Variants in ATP6V1B2 observed in about 807,000 individuals in gnomAD.
ATP6V1B2 encodes V-type proton ATPase subunit B, brain isoform.
ATP6V1B2 carries 23 observed loss-of-function variants against 66.7 expected under a neutral mutation model. The observed-to-expected ratio is 0.34, with a 90% CI of 0.25 to 0.49. The LOEUF (loss-of-function observed/expected upper bound fraction) is 0.49. ATP6V1B2 is among the 20% of genes least tolerant of loss of function. The probability of loss-of-function intolerance (pLI) is 0.99; values close to 1 mark genes in which losing one functional copy is unlikely to be tolerated. For synonymous variants in ATP6V1B2, 278 were observed against 236.7 expected (o/e 1.17, Z -1.60); for missense variants, 478 against 650.8 (o/e 0.73, Z 2.89).
At position 20,217,221 on chromosome 8, in the gene ATP6V1B2, T is replaced by G; in HGVS notation, c.1163T>G (p.Ile388Ser). The part of the protein sequence containing the change: ...YVDRQLHNRQ[I>S]YPPINVLPSL... Reference sequence around the variant, plus strand: ...TTTTTCCCTCTCATTCTACCCAAGATTTATCCACCTATCAATGTGCTGCCC... The same window carrying G: ...TTTTTCCCTCTCATTCTACCCAAGAGTTATCCACCTATCAATGTGCTGCCC... Residue 388 changes from isoleucine (I) to serine (S), a missense_variant and splice_region_variant, in exon 12 of 14, where the codon ATT becomes AGT. Ile to Ser is a moderately radical substitution (Grantham distance 142). Around this residue, in one of 2 missense-constraint regions of ATP6V1B2, gnomAD observed 326 missense variants for 545.6 expected, o/e 0.60. Coordinates refer to ENST00000276390, the MANE Select transcript of ATP6V1B2 (RefSeq NM_001693.4). 6.2e-7 allele frequency: 1 copy of G among 1,610,320 alleles called. No homozygotes were observed. Among genetic ancestry groups the G allele is most frequent in the South Asian group, 1.1e-5 (1 of 90,982 alleles).
chr8:20,211,985 T>G (rs1002057043), intron 7 of ATP6V1B2, 117 bp from the exon 8 acceptor site: 3 of 964,330 alleles, frequency 3.1e-6, no homozygotes, highest in African/African-American at 3.4e-5. Context: ...GTGAAGATTT[T>G]TGGGGTACTT....
intron 3 of ATP6V1B2, 142 bp from the exon 4 acceptor site, chr8:20,210,204 T>C: frequency 1.5e-6 from 1 of 657,252 alleles, no homozygotes; most frequent in African/African-American, 1.8e-5. Flanking sequence ...TGATTTATTA[T>C]CATATTTCTT....
At chr8:20,213,200 C>T (rs974315753) in intron 9 of ATP6V1B2, 14 of 332,536 alleles carry the variant, frequency 4.2e-5, no homozygotes, top group Non-Finnish European at 6.1e-5. Flanking sequence ...GTTACTCTCT[C>T]GGGAAGTTCT....
In ATP6V1B2 at chr8:20,220,596, C is replaced by T. The variant is rs2072897963; in HGVS notation, c.*194C>T. On this transcript the variant is annotated 3_prime_UTR_variant, in exon 14 of 14. Coordinates refer to ENST00000276390, the MANE Select transcript of ATP6V1B2 (RefSeq NM_001693.4). The stretch of plus-strand genomic sequence containing the variant: ...TAACAGACCTTAAAATATCCCCCTA[C>T]CTGGGTCCTCAGTGCTATGTTTAAA... 6.6e-6 allele frequency: 5 copies of T among 753,306 alleles called. No individual in the cohort carries two copies. Among genetic ancestry groups the T allele is most frequent in the Non-Finnish European group, 9.7e-6 (5 of 516,768 alleles). The allele number at this position is 753,306 out of a possible 1,614,324, so 46.7% of individuals were successfully genotyped here.
intron 3 of ATP6V1B2, among the ~76,000 whole-genome samples, chr8:20,210,098 A>G (rs948584106): frequency 2.0e-4 from 30 of 148,270 alleles, no homozygotes; most frequent in African/African-American, 6.6e-4. Context: ...ATATTTATAT[A>G]TTTATATTTA....
chr8:20,218,125 T>C (rs371079728), intron 12 of ATP6V1B2, 28 bp from the exon 13 acceptor site: 19 of 1,609,138 alleles, frequency 1.2e-5, no homozygotes, highest in Non-Finnish European at 1.6e-5. Flanking sequence ...AGCTTCTCTC[T>C]GCTGATGGGT....
chr8:20,210,265 G>T, intron 3 of ATP6V1B2, 81 bp from the exon 4 acceptor site: 1 of 1,108,382 alleles, frequency 9.0e-7, no homozygotes, highest in Non-Finnish European at 1.3e-6. Flanking sequence ...CATTATAAGG[G>T]CTGTTTAACA....
At chr8:20,208,214 C>T (rs987225613) in intron 2 of ATP6V1B2, among the ~76,000 whole-genome samples, 1 of 152,026 alleles carries the variant, frequency 6.6e-6, no homozygotes, top group Non-Finnish European at 1.5e-5. Flanking sequence ...TATGAGGAGC[C>T]CCATACAAGA....
intron 6 of ATP6V1B2, 42 bp downstream of exon 6, chr8:20,211,358 G>T: frequency 1.3e-6 from 2 of 1,590,760 alleles, no homozygotes; most frequent in Non-Finnish European, 8.5e-7. Flanking sequence ...TAGCAGACAA[G>T]AATTTCTATA....
intron 1 of ATP6V1B2, among the ~76,000 whole-genome samples, chr8:20,198,009 G>A (rs1328515080): frequency 6.6e-6 from 1 of 152,228 alleles, no homozygotes; most frequent in African/African-American, 2.4e-5. Flanking sequence ...CTTCGCTGAC[G>A]TGGTCAGGCC....
chr8:20,199,400 G>A (rs1230797817), intron 1 of ATP6V1B2, among the ~76,000 whole-genome samples: 2 of 152,036 alleles, frequency 1.3e-5, no homozygotes, highest in South Asian at 2.1e-4. Context: ...GAACATGGGT[G>A]GAATCAGAGC....
At chr8:20,205,201 T>C (rs1279503571) in intron 2 of ATP6V1B2, among the ~76,000 whole-genome samples, 1 of 152,204 alleles carries the variant, frequency 6.6e-6, no homozygotes, top group African/African-American at 2.4e-5. Context: ...TATATTTTAA[T>C]TGTTTTCTAT....
At chr8:20,208,910 T>C (rs990953175) in intron 2 of ATP6V1B2, among the ~76,000 whole-genome samples, 2 of 152,058 alleles carry the variant, frequency 1.3e-5, no homozygotes, top group Non-Finnish European at 2.9e-5. Flanking sequence ...AATTTCACCA[T>C]GTTGGCCAGG....
chr8:20,204,493 C>A lies in ATP6V1B2; in HGVS notation c.146C>A (p.Thr49Lys), dbSNP rs779952110. The part of the protein sequence containing the change: ...YLSQPRLTYK[T>K]VSGVNGPLVI... ...CTGTATTTCTTTCCAGCATACAAGACAGTATCTGGAGTCAATGGTCCACTA... is the reference window on the plus strand; with the variant it reads ...CTGTATTTCTTTCCAGCATACAAGAAAGTATCTGGAGTCAATGGTCCACTA... The change falls in exon 2 of 14, where the codon ACA (threonine) becomes AAA (lysine). Residue 49 changes from threonine to lysine, a missense_variant. Physicochemically the swap from Thr to Lys is moderately conservative, Grantham distance 78 (BLOSUM62 -1). Coordinates refer to ENST00000276390, the MANE Select transcript of ATP6V1B2 (RefSeq NM_001693.4). The A allele has an allele frequency of 6.2e-7, 1 of 1,612,466 alleles. No individual in the cohort carries two copies. Among genetic ancestry groups the A allele is most frequent in the Non-Finnish European group, 8.5e-7 (1 of 1,178,674 alleles).
rs2072796327 is a variant in ATP6V1B2 at position 20,211,821 on chromosome 8, G to C, written c.705+68G>C. 2.4e-6 allele frequency: 3 copies of C among 1,260,090 alleles called. No individual in the cohort carries two copies. The East Asian group carries it at 7.1e-5, about 30-fold the overall frequency. The allele number at this position is 1,260,090 out of a possible 1,614,324, so 78.1% of individuals were successfully genotyped here. On this transcript the variant is annotated intron_variant, in intron 7 of 13. Transcript: ENST00000276390. ...TTGTGTCGTGAGAACATTGTAGTAA[G>C]CTGTACATATATAGTTGAATTTTTC...
chr8:20,212,298 C>A, intron 8 of ATP6V1B2, 99 bp downstream of exon 8: 1 of 1,115,598 alleles, frequency 9.0e-7, no homozygotes, highest in Non-Finnish European at 1.3e-6. Flanking sequence ...GCATTTGGAC[C>A]TAACAATGAG....
intron 13 of ATP6V1B2, among the ~76,000 whole-genome samples, chr8:20,219,493 C>G (rs373970063): frequency 5.9e-5 from 9 of 152,302 alleles, no homozygotes; most frequent in African/African-American, 2.2e-4. Flanking sequence ...TAGTGATACT[C>G]TCTTAACATC....
Position 20,218,189 on chromosome 8 carries a change from A to G in ATP6V1B2, c.1303A>G (p.Met435Val). 2 of 1,613,446 alleles carry G rather than the reference A, an allele frequency of 1.2e-6. No individual in the cohort carries two copies. The highest frequency in any genetic ancestry group is 2.2e-5 in the East Asian group (1 of 44,864). ...TGCTATTGGAAAGGATGTGCAAGCC[A>G]TGAAAGCTGTCGTTGGAGAAGAAGC... Reference protein sequence around the residue: ...CYAIGKDVQAMKAVVGEEALT... With the variant: ...CYAIGKDVQAVKAVVGEEALT... The change falls in exon 13 of 14, where the codon ATG (methionine) becomes GTG (valine). Residue 435 changes from methionine to valine, a missense_variant. Coordinates refer to ENST00000276390, the MANE Select transcript of ATP6V1B2 (RefSeq NM_001693.4).
intron 9 of ATP6V1B2, 81 bp from the exon 10 acceptor site, chr8:20,214,737 T>C: frequency 7.1e-7 from 1 of 1,410,184 alleles, no homozygotes; most frequent in Non-Finnish European, 9.4e-7. Context: ...ACTTTGTACT[T>C]TGGCATGTTG....
Sources: gnomAD v4.1 joint callset for allele counts (sites outside exome capture counted in the v4.1 genomes callset) on GRCh38, gnomAD v4.1.1 for gene constraint, gnomAD v4.1.1 regional missense constraint, MANE v1.5 for transcripts, NCBI Gene and HGNC (gene_info 2026-07-23, HGNC 2026-07-21) for gene names.